AARS1: variants seen among roughly 807,000 people sequenced by gnomAD.
AARS1 encodes alanine--tRNA ligase, cytoplasmic.
In AARS1, 72 loss-of-function variants were observed where a neutral mutation model predicts 108.9. The observed-to-expected ratio is 0.66, with a 90% CI of 0.55 to 0.80. The LOEUF (loss-of-function observed/expected upper bound fraction) is 0.80, where lower values mean the gene tolerates loss of function less well. AARS1 is among the 30% of genes least tolerant of loss of function. The pLI is 0.00. For synonymous variants in AARS1, 489 were observed against 465.7 expected, an observed-to-expected ratio of 1.05 and a Z score of -0.64; for missense variants, 1,193 against 1,233.2, an observed-to-expected ratio of 0.97 and a Z score of 0.49.
Position 70,253,442 on chromosome 16 carries a change from A to C in AARS1, c.2608-61T>G, listed in dbSNP as rs1959896435. The C allele has an allele frequency of 2.2e-6, 3 of 1,392,970 alleles. No individual in the cohort carries two copies. The South Asian group carries it at 3.5e-5, about 16-fold the overall frequency. 86.3% of individuals were successfully genotyped at this position (1,392,970 alleles called of 1,614,324 possible). ...AGCAGGGACCCTCACTAGTGTGAGC[A>C]TTTGCAGCCCTCAGAAGGCCTGCCA... On this transcript the variant is annotated intron_variant, in intron 19 of 20. Coordinates refer to ENST00000261772, the MANE Select transcript of AARS1 (RefSeq NM_001605.3).
intron 2 of AARS1, among the ~76,000 whole-genome samples, chr16:70,280,518 T>C (rs1235754919): frequency 3.3e-5 from 5 of 152,170 alleles, no homozygotes; most frequent in African/African-American, 2.4e-5. Flanking sequence ...TATGTCCCCA[T>C]TGTTTCTAAC....
At position 70,284,876 on chromosome 16, in the gene AARS1, ACT is replaced by A. The variant is rs569924933; in HGVS notation, c.-21-2094_-21-2093del. Among the ~76,000 whole-genome samples, 5 of 152,318 alleles carry A rather than the reference ACT, an allele frequency of 3.3e-5. No individual in the cohort carries two copies. The South Asian group carries it at 1.0e-3, about 32-fold the overall frequency. On this transcript the variant is annotated intron_variant, in intron 1 of 20. Transcript: ENST00000261772. Reference sequence around the variant, plus strand: ...TAAAAAAGCAGTATCTACCCTGCCTACTCAACTGAGGTGTTGTGAGGATCAAA... The same window carrying A: ...TAAAAAAGCAGTATCTACCCTGCCTACAACTGAGGTGTTGTGAGGATCAAA...
At chr16:70,287,254 CA>C (rs71151181) in intron 1 of AARS1, among the ~76,000 whole-genome samples, 11,371 of 39,058 alleles carry the variant, frequency 0.29, 634 homozygotes, top group Non-Finnish European at 0.38. Context: ...GACTCCGTCT[CA>C]AAAAAAAAAA....
intron 1 of AARS1, among the ~76,000 whole-genome samples, chr16:70,287,990 C>T (rs1367069002): frequency 6.6e-6 from 1 of 152,134 alleles, no homozygotes; most frequent in Admixed American, 6.6e-5. Context: ...GTCTCGACCT[C>T]CTGACCTCAG....
intron 4 of AARS1, among the ~76,000 whole-genome samples, chr16:70,275,458 T>A (rs8057463): frequency 0.29 from 42,935 of 148,376 alleles, 11,528 homozygotes; most frequent in African/African-American, 0.72. Flanking sequence ...TACTAAAAAA[T>A]ATATATATAT....
At chr16:70,281,792 C>A (rs996732075) in intron 2 of AARS1, among the ~76,000 whole-genome samples, 1 of 152,192 alleles carries the variant, frequency 6.6e-6, no homozygotes, top group African/African-American at 2.4e-5. Flanking sequence ...TCTGAGGCTA[C>A]AGCATGCTAG....
chr16:70,267,728 T>A lies in AARS1; in HGVS notation c.1153A>T (p.Thr385Ser). The A allele has an allele frequency of 6.2e-7, 1 of 1,613,932 alleles. No individual in the cohort carries two copies. The change falls in exon 9 of 21, where the codon ACT becomes TCT. Residue 385 changes from threonine to serine, a missense_variant. By Grantham distance (58) the Thr-to-Ser change is moderately conservative. Coordinates refer to ENST00000261772, the MANE Select transcript of AARS1 (RefSeq NM_001605.3). ...INEEEVQFLK[T>S]LSRGRRILDR... The stretch of plus-strand genomic sequence containing the variant: ...AGGATGCGACGCCCTCTGCTGAGAG[T>A]CTTGAGAAACTGCACCTCTTCTTCA...
chr16:70,278,866 G>A (rs1960619660), intron 2 of AARS1, among the ~76,000 whole-genome samples: 1 of 152,118 alleles, frequency 6.6e-6, no homozygotes, highest in African/African-American at 2.4e-5. Context: ...TTAAGGAAGT[G>A]ACTATCTGGG....
Position 70,277,152 on chromosome 16 carries a change from A to C in AARS1, c.147T>G (p.Phe49Leu). 6.2e-7 allele frequency: 1 copy of C among 1,614,114 alleles called. No individual in the cohort carries two copies. The highest frequency in any genetic ancestry group is 1.1e-5 in the South Asian group (1 of 91,080). ...CAATTGTGTTCAGGAAAATGGGTTT[A>C]AACTAAAAGAGAAGGACAGCAGTTC... The part of the protein sequence containing the change: ...LLFANAGMNQ[F>L]KPIFLNTIDP... Residue 49 changes from phenylalanine (F) to leucine (L), a missense_variant and splice_region_variant, in exon 3 of 21, where the codon TTT becomes TTG. By Grantham distance (22) the Phe-to-Leu change is conservative. Coordinates refer to ENST00000261772, the MANE Select transcript of AARS1 (RefSeq NM_001605.3).
intron 2 of AARS1, among the ~76,000 whole-genome samples, chr16:70,281,348 G>A (rs1487042554): frequency 6.6e-6 from 1 of 152,108 alleles, no homozygotes; most frequent in Non-Finnish European, 1.5e-5. Flanking sequence ...ACAACTTGGT[G>A]AGACCCCCAT....
At chr16:70,269,238 T>A (rs1304078998) in intron 7 of AARS1, among the ~76,000 whole-genome samples, 1 of 147,300 alleles carries the variant, frequency 6.8e-6, no homozygotes, top group Non-Finnish European at 1.5e-5. Flanking sequence ...AAGAATTGCT[T>A]GAACTCAGGA....
At chr16:70,286,423 C>T (rs917570316) in intron 1 of AARS1, among the ~76,000 whole-genome samples, 4 of 144,302 alleles carry the variant, frequency 2.8e-5, no homozygotes, top group Non-Finnish European at 5.9e-5. Flanking sequence ...CAGGCTGGAG[C>T]GCAGGCAATG....
At chr16:70,268,899 A>T (rs1042606232) in intron 7 of AARS1, among the ~76,000 whole-genome samples, 2 of 152,206 alleles carry the variant, frequency 1.3e-5, no homozygotes, top group Non-Finnish European at 2.9e-5. Context: ...AACAATAACG[A>T]AAGATGGCTT....
chr16:70,265,033 G>C lies in AARS1; in HGVS notation c.1417C>G (p.Leu473Val), dbSNP rs1567605650. Residue 473 changes from leucine (L) to valine (V), a missense_variant, in exon 11 of 21, where the codon CTC (leucine) becomes GTC (valine). Leu to Val is a conservative substitution (Grantham distance 32). Transcript: ENST00000261772. ...IMLDIYAIEE[L>V]RARGLEVTDD... ...GTGACCTCCAGACCCCGTGCCCGGA[G>C]CTCTTCGATAGCGTAAATGTCCAGC... 1 of 1,614,176 alleles carries C rather than the reference G, an allele frequency of 6.2e-7. No homozygotes were observed.
chr16:70,274,254 T>C (rs1349051251), intron 4 of AARS1, among the ~76,000 whole-genome samples: 2 of 150,998 alleles, frequency 1.3e-5, no homozygotes, highest in African/African-American at 4.9e-5. Flanking sequence ...GACAGGAGAA[T>C]TGCTTGAATC....
chr16:70,289,420 C>T lies in AARS1; in HGVS notation c.-22+1G>A. 1 of 387,844 alleles carries T rather than the reference C, an allele frequency of 2.6e-6. No individual in the cohort carries two copies. Among genetic ancestry groups the T allele is most frequent in the Non-Finnish European group, 5.2e-6 (1 of 192,726 alleles). 24.0% of individuals were successfully genotyped at this position (387,844 alleles called of 1,614,324 possible). ...CGCAGAGCTCTCCGAGGGCGGCCTA[C>T]CTCTCCTAGGGTCGCCGTCCCCAGC... On this transcript the variant is annotated splice_donor_variant, in intron 1 of 20. Coordinates refer to ENST00000261772, the MANE Select transcript of AARS1 (RefSeq NM_001605.3). LOFTEE classifies it low-confidence loss of function (5UTR_SPLICE).
chr16:70,254,467 G>A (rs1239496683), intron 17 of AARS1, 154 bp downstream of exon 17: 2 of 678,632 alleles, frequency 2.9e-6, no homozygotes, highest in Admixed American at 4.1e-5. Flanking sequence ...AGGATCCATG[G>A]GGTCCCTGCT....
intron 15 of AARS1, among the ~76,000 whole-genome samples, chr16:70,257,382 T>G (rs1238031197): frequency 3.3e-5 from 5 of 151,694 alleles, no homozygotes; most frequent in Admixed American, 6.6e-5. Flanking sequence ...GCCACTACAC[T>G]CCACCCTGCG....
Position 70,261,040 on chromosome 16 carries a change from T to C in AARS1, c.1785+4A>G, listed in dbSNP as rs2152155700. The C allele has an allele frequency of 6.2e-7, 1 of 1,609,226 alleles. No homozygotes were observed. The highest frequency in any genetic ancestry group is 1.3e-5 in the African/African-American group (1 of 74,840). On this transcript the variant is annotated splice_donor_region_variant and intron_variant, in intron 13 of 20. Transcript: ENST00000261772. ...CCAATGGGGGCCACAGTAACCCAAC[T>C]CACCTCATCAATAAACAGCCAGACC...
Sources: gnomAD v4.1 joint callset for allele counts (sites outside exome capture counted in the v4.1 genomes callset) on GRCh38, gnomAD v4.1.1 for gene constraint, MANE v1.5 for transcripts, NCBI Gene and HGNC (gene_info 2026-07-23, HGNC 2026-07-21) for gene names.